Variants in PSMD5 observed in about 807,000 individuals in gnomAD.
PSMD5 encodes the protein 26S proteasome non-ATPase regulatory subunit 5.
A neutral mutation model predicts 52.1 loss-of-function variants in PSMD5; 40 were observed. The observed-to-expected ratio is 0.77, with a 90% confidence interval of 0.60 to 1.00. The LOEUF (loss-of-function observed/expected upper bound fraction) is 1.00. Ranked by LOEUF, PSMD5 falls within the 50% of genes least tolerant of loss-of-function variation. The probability of loss-of-function intolerance (pLI) is 0.00; values close to 1 mark genes in which losing one functional copy is unlikely to be tolerated. For synonymous variants in PSMD5, 211 were observed against 226.6 expected, an observed-to-expected ratio of 0.93 and a Z score of 0.62; for missense variants, 575 against 605.2, an observed-to-expected ratio of 0.95 and a Z score of 0.52.
At chr9:120,819,745 A>C (rs2045070337) in intron 9 of PSMD5, among the ~76,000 whole-genome samples, 1 of 152,168 alleles carries the variant, frequency 6.6e-6, no homozygotes, top group South Asian at 2.1e-4. Flanking sequence ...CTGAGGCAGG[A>C]GAATGGCGTG....
At chr9:120,837,400 C>T (rs2045205970) in intron 1 of PSMD5, among the ~76,000 whole-genome samples, 1 of 152,080 alleles carries the variant, frequency 6.6e-6, no homozygotes, top group Non-Finnish European at 1.5e-5. Flanking sequence ...TCTCTGTCAC[C>T]CAGGCTGGTG....
rs1319819915 is a variant in PSMD5, at chr9:120,829,040, A to G, written c.671+59T>C. ...AATAGAGAAAATCACAGATGTCCCA[A>G]GGTTGTTTCCCAGCCCTTCAAAAGA... On this transcript the variant is annotated intron_variant, in intron 5 of 9. Coordinates refer to ENST00000210313, the MANE Select transcript of PSMD5 (RefSeq NM_005047.4). 1.3e-5 allele frequency: 19 copies of G among 1,469,642 alleles called. No homozygotes were observed. The Admixed American group carries it at 2.1e-4, about 17-fold the overall frequency. The allele number at this position is 1,469,642 out of a possible 1,614,324, so 91.0% of individuals were successfully genotyped here. A position where few individuals can be genotyped will look rare whatever the true frequency, so the allele number is the denominator to read the frequency against.
intron 9 of PSMD5, among the ~76,000 whole-genome samples, chr9:120,819,488 T>G (rs112512089): frequency 0.01 from 1,547 of 152,268 alleles, 33 homozygotes; most frequent in African/African-American, 0.035. Context: ...CTAAGCAGGA[T>G]CCAAAATGGC....
intron 9 of PSMD5, among the ~76,000 whole-genome samples, chr9:120,818,493 A>G (rs1215891095): frequency 6.6e-6 from 1 of 152,210 alleles, no homozygotes; most frequent in Non-Finnish European, 1.5e-5. Flanking sequence ...TAAACCTGTT[A>G]TATAAAAAAA....
At chr9:120,820,047 T>TC (rs1412226710) in intron 9 of PSMD5, among the ~76,000 whole-genome samples, 1 of 152,148 alleles carries the variant, frequency 6.6e-6, no homozygotes, top group Non-Finnish European at 1.5e-5. Context: ...CAAAGATAAA[T>TC]CAGATATGCT....
chr9:120,820,540 G>A (rs1025630212), intron 9 of PSMD5, among the ~76,000 whole-genome samples: 5 of 152,150 alleles, frequency 3.3e-5, no homozygotes, highest in Admixed American at 2.0e-4. Context: ...TTTTCTGCAC[G>A]GGAAATAAGG....
intron 1 of PSMD5, among the ~76,000 whole-genome samples, chr9:120,838,114 G>A (rs1243675154): frequency 6.6e-6 from 1 of 152,240 alleles, no homozygotes; most frequent in Non-Finnish European, 1.5e-5. Context: ...TGGTTGACTG[G>A]TTGAAACAGG....
In PSMD5 at chr9:120,816,647, AAAAG is replaced by A. The variant is rs1296059026; in HGVS notation, c.*1255_*1258del. The A allele has an allele frequency of 1.3e-5, 2 of 152,230 alleles. No individual in the cohort carries two copies. The highest frequency in any genetic ancestry group is 4.8e-5 in the African/African-American group (2 of 41,460). 9.4% of individuals were successfully genotyped at this position (152,230 alleles called of 1,614,324 possible). On this transcript the variant is annotated 3_prime_UTR_variant, in exon 10 of 10. Coordinates refer to ENST00000210313, the MANE Select transcript of PSMD5 (RefSeq NM_005047.4). ...TGGTTTATCAACTTCACCACGGCCT[AAAAG>A]AAATATGCTCATGCATAAACCTCTG...
At chr9:120,834,923 T>C (rs890061399) in intron 1 of PSMD5, among the ~76,000 whole-genome samples, 1 of 152,208 alleles carries the variant, frequency 6.6e-6, no homozygotes, top group Non-Finnish European at 1.5e-5. Flanking sequence ...CTACCAGTGG[T>C]AGATACAGAA....
chr9:120,818,089 C>T lies in PSMD5; in HGVS notation c.1332G>A (p.Arg444=), dbSNP rs1412088798. 1 of 1,614,188 alleles carries T rather than the reference C, an allele frequency of 6.2e-7. No individual in the cohort carries two copies. Among genetic ancestry groups the T allele is most frequent in the African/African-American group, 1.3e-5 (1 of 75,050 alleles). ...TTGAAGCTTTGTCATGCTCCACAGA[C>T]CGGTCCACCACATATTCTACAAAAC... is the stretch of plus-strand genomic sequence containing the variant. ...SPGFVEYVVD[R]SVEHDKASKD... Residue 444 remains arginine (R), a synonymous_variant, in exon 10 of 10, where the codon CGG becomes CGA. Coordinates refer to ENST00000210313, the MANE Select transcript of PSMD5 (RefSeq NM_005047.4).
chr9:120,819,140 T>C (rs1193102605), intron 9 of PSMD5, among the ~76,000 whole-genome samples: 1 of 152,238 alleles, frequency 6.6e-6, no homozygotes, highest in Non-Finnish European at 1.5e-5. Flanking sequence ...CAAAACCTAT[T>C]ACGTTTTAAT....
chr9:120,820,409 T>G (rs531121472), intron 9 of PSMD5, among the ~76,000 whole-genome samples: 249 of 152,016 alleles, frequency 1.6e-3, no homozygotes, highest in African/African-American at 5.8e-3. Context: ...CCTTGACGAG[T>G]GAGTAAGAGG....
At position 120,826,750 on chromosome 9, in the gene PSMD5, A is replaced by G; in HGVS notation, c.814+15T>C. On this transcript the variant is annotated intron_variant, in intron 6 of 9. Coordinates refer to ENST00000210313, the MANE Select transcript of PSMD5 (RefSeq NM_005047.4). The stretch of plus-strand genomic sequence containing the variant: ...AACACGCACCATCATTTCCATAGGC[A>G]TCAGTGTTCCTTACCTGGCAGATAG... The G allele has an allele frequency of 1.2e-6, 2 of 1,612,036 alleles. No individual in the cohort carries two copies. The highest frequency in any genetic ancestry group is 4.5e-5 in the East Asian group (2 of 44,864).
chr9:120,831,428 G>C lies in PSMD5; in HGVS notation c.464C>G (p.Thr155Ser), dbSNP rs2045159154. ...AIKSLSRISL[T>S]QAGLEALFES... Reference sequence around the variant, plus strand: ...AAATAAAGCCTCCAGTCCAGCTTGGGTTAGTGATATTCTTGACAGGGATTT... The same window carrying C: ...AAATAAAGCCTCCAGTCCAGCTTGGCTTAGTGATATTCTTGACAGGGATTT... Residue 155 changes from threonine (T) to serine (S), a missense_variant, in exon 4 of 10, where the codon ACC (threonine) becomes AGC (serine). By Grantham distance (58) the Thr-to-Ser change is moderately conservative. Coordinates refer to ENST00000210313, the MANE Select transcript of PSMD5 (RefSeq NM_005047.4). The C allele has an allele frequency of 1.2e-6, 2 of 1,610,792 alleles. No individual in the cohort carries two copies. The highest frequency in any genetic ancestry group is 2.7e-5 in the African/African-American group (2 of 74,784).
intron 1 of PSMD5, among the ~76,000 whole-genome samples, chr9:120,839,480 G>A (rs966490783): frequency 1.3e-5 from 2 of 152,250 alleles, no homozygotes; most frequent in East Asian, 3.9e-4. Flanking sequence ...GAAAAAATGA[G>A]GGCTTGAATT....
At position 120,824,686 on chromosome 9, in the gene PSMD5, C is replaced by T. The variant is rs1476648358; in HGVS notation, c.815-1G>A. The T allele has an allele frequency of 6.3e-7, 1 of 1,590,578 alleles. No individual in the cohort carries two copies. The highest frequency in any genetic ancestry group is 1.8e-5 in the Admixed American group (1 of 54,086). On this transcript the variant is annotated splice_acceptor_variant, in intron 6 of 9. Transcript: ENST00000210313. LOFTEE classifies it high-confidence loss of function. ...AGGTTTCCAAAAAACTTCACGAATC[C>T]TAAAGAGATTTACAAAAATATATTT... is the stretch of plus-strand genomic sequence containing the variant.
chr9:120,826,583 A>G (rs760092991), intron 6 of PSMD5, 182 bp downstream of exon 6: 2 of 671,446 alleles, frequency 3.0e-6, no homozygotes, highest in Non-Finnish European at 4.8e-6. Flanking sequence ...TGACCCTTTT[A>G]ATGTGCTGTT....
chr9:120,833,921 C>T (rs976946842), intron 1 of PSMD5, among the ~76,000 whole-genome samples: 7 of 151,030 alleles, frequency 4.6e-5, no homozygotes, highest in Non-Finnish European at 7.4e-5. Context: ...GGTGATCCAC[C>T]TGCCTCGGCC....
chr9:120,831,059 A>C (rs1051099542), intron 4 of PSMD5, among the ~76,000 whole-genome samples: 3 of 152,030 alleles, frequency 2.0e-5, no homozygotes, highest in African/African-American at 7.2e-5. Flanking sequence ...AATTTTTAAA[A>C]TCGTTGTAGA....
Sources: allele counts gnomAD v4.1 joint callset (sites outside exome capture counted in the v4.1 genomes callset), GRCh38; gene constraint gnomAD v4.1.1; transcripts MANE v1.5; gene names NCBI Gene and HGNC (gene_info 2026-07-23, HGNC 2026-07-21).